Variants in ATP8B1 observed in about 807,000 individuals in gnomAD.
The protein encoded by ATP8B1 is phospholipid-transporting ATPase IC.
Under a neutral mutation model 149.9 loss-of-function variants are expected in ATP8B1, and 80 were observed. The observed-to-expected ratio is 0.53, with a 90% CI of 0.45 to 0.64. The LOEUF is 0.64. Among genes scored for constraint, ATP8B1 ranks in the 30% least tolerant of loss-of-function variants. ATP8B1 has a pLI of 0.00. For synonymous variants in ATP8B1, 536 were observed against 562.8 expected (o/e 0.95, Z 0.67); for missense variants, 1,247 against 1,552.6 (o/e 0.80, Z 3.31).
intron 1 of ATP8B1, among the ~76,000 whole-genome samples, chr18:57,793,693 C>G (rs974146826): frequency 4.6e-5 from 7 of 152,100 alleles, no homozygotes; most frequent in Non-Finnish European, 1.0e-4. Flanking sequence ...TATCTGTCCC[C>G]TCTGCCTGGG....
intron 1 of ATP8B1, among the ~76,000 whole-genome samples, chr18:57,776,949 C>CTGTT (rs1348766991): frequency 6.6e-6 from 1 of 151,270 alleles, no homozygotes; most frequent in Non-Finnish European, 1.5e-5. Flanking sequence ...GTTATGCAAT[C>CTGTT]TGTTATCTTC....
intron 1 of ATP8B1, among the ~76,000 whole-genome samples, chr18:57,743,240 C>T (rs944551025): frequency 3.3e-5 from 5 of 152,138 alleles, no homozygotes; most frequent in African/African-American, 1.2e-4. Flanking sequence ...CAGCTCTGTG[C>T]TCTCTGTGGT....
intron 16 of ATP8B1, among the ~76,000 whole-genome samples, chr18:57,672,565 A>G (rs544124888): frequency 6.6e-6 from 1 of 152,088 alleles, no homozygotes; most frequent in African/African-American, 2.4e-5. Flanking sequence ...AATGAGACAA[A>G]CCAATAATAT....
intron 1 of ATP8B1, among the ~76,000 whole-genome samples, chr18:57,747,369 C>G (rs2123243601): frequency 6.6e-6 from 1 of 151,786 alleles, no homozygotes; most frequent in Non-Finnish European, 1.5e-5. Flanking sequence ...AGGAGAATTG[C>G]TTGAACCCGG....
At chr18:57,662,641 TAAA>T (rs760399313) in intron 20 of ATP8B1, 26 bp from the exon 21 acceptor site, 4 of 1,613,778 alleles carry the variant, frequency 2.5e-6, no homozygotes, top group Non-Finnish European at 3.4e-6. Flanking sequence ...TTTCAGTGTT[TAAA>T]GTGTAAGACC....
intron 20 of ATP8B1, among the ~76,000 whole-genome samples, chr18:57,666,375 C>A (rs763040197): frequency 6.6e-6 from 1 of 152,100 alleles, no homozygotes; most frequent in Non-Finnish European, 1.5e-5. Context: ...CCCACCCACA[C>A]ATTTCCTTCC....
rs550976320 is a variant in ATP8B1, at chr18:57,717,201, C to T, written c.182-10614G>A. Among the ~76,000 whole-genome samples, 3 of 152,144 alleles carry T rather than the reference C, an allele frequency of 2.0e-5. No homozygotes were observed. The South Asian group carries it at 6.2e-4, about 32-fold the overall frequency. On this transcript the variant is annotated intron_variant, in intron 2 of 27. Coordinates refer to ENST00000648908, the MANE Select transcript of ATP8B1 (RefSeq NM_001374385.1). ...ACTAGGAGGGAAGTTTATAGCTATA[C>T]GTGCCTACATCAAAAAATAAGAAAA...
chr18:57,668,219 A>G, intron 19 of ATP8B1: 1 of 1,439,670 alleles, frequency 6.9e-7, no homozygotes, highest in Non-Finnish European at 9.2e-7. Context: ...CTAAATTATA[A>G]GGAAGAAACT....
intron 15 of ATP8B1, among the ~76,000 whole-genome samples, chr18:57,680,880 A>G (rs1243214867): frequency 6.6e-6 from 1 of 152,134 alleles, no homozygotes; most frequent in African/African-American, 2.4e-5. Flanking sequence ...CTCCAGGTGA[A>G]GTGAAGGCTT....
At position 57,688,286 on chromosome 18, in the gene ATP8B1, G is replaced by A. The variant is rs746576251; in HGVS notation, c.1429+13C>T. 1.7e-5 allele frequency: 27 copies of A among 1,612,604 alleles called. No individual in the cohort carries two copies. Among genetic ancestry groups the A allele is most frequent in the African/African-American group, 1.3e-4 (10 of 74,892 alleles). On this transcript the variant is annotated intron_variant, in intron 13 of 27. Transcript: ENST00000648908. ...CCCACTCACCCAGAAAATGAGTGAC[G>A]GCTTCCACTTACCATATATCTGCCC...
At position 57,671,531 on chromosome 18, in the gene ATP8B1, AGT is replaced by A; in HGVS notation, c.1867_1868del (p.Thr623CysfsTer4). The A allele has an allele frequency of 6.2e-7, 1 of 1,614,160 alleles. No homozygotes were observed. Among genetic ancestry groups the A allele is most frequent in the Non-Finnish European group, 8.5e-7 (1 of 1,179,990 alleles). On this transcript the variant is annotated frameshift_variant, in exon 17 of 28. Transcript: ENST00000648908. LOFTEE classifies it high-confidence loss of function. ...NIKLYCKGAD[T>X]VIYERLHRMN... Reference sequence around the variant, plus strand: ...TTCGATGTAACCGTTCATAAATAACAGTGTCAGCACCTTTACAGTAAAGCTTG... The same window carrying A: ...TTCGATGTAACCGTTCATAAATAACAGTCAGCACCTTTACAGTAAAGCTTG...
intron 1 of ATP8B1, among the ~76,000 whole-genome samples, chr18:57,798,148 A>G (rs1291251267): frequency 6.6e-6 from 1 of 152,236 alleles, no homozygotes; most frequent in East Asian, 1.9e-4. Flanking sequence ...CTCTGTCATT[A>G]GCAACGCCTA....
intron 2 of ATP8B1, among the ~76,000 whole-genome samples, chr18:57,726,138 G>A (rs2079704743): frequency 6.6e-6 from 1 of 152,140 alleles, no homozygotes; most frequent in Non-Finnish European, 1.5e-5. Flanking sequence ...TGAGGCAAGG[G>A]AATTGCTTGA....
rs1911077762 is a variant in ATP8B1 at position 57,669,186 on chromosome 18, C to T, written c.2097+132G>A. On this transcript the variant is annotated intron_variant, in intron 18 of 27. Coordinates refer to ENST00000648908, the MANE Select transcript of ATP8B1 (RefSeq NM_001374385.1). ...GGTGAATAAAAGAAATAACCTTCTTCCATTGTGCCAGTGTCAAATGCTGAA... is the reference window on the plus strand; with the variant it reads ...GGTGAATAAAAGAAATAACCTTCTTTCATTGTGCCAGTGTCAAATGCTGAA... 10 of 945,536 alleles carry T rather than the reference C, an allele frequency of 1.1e-5. No individual in the cohort carries two copies. In the East Asian group the frequency reaches 2.7e-4, roughly 25 times the overall value. The allele number at this position is 945,536 out of a possible 1,614,324, so 58.6% of individuals were successfully genotyped here. A position where few individuals can be genotyped will look rare whatever the true frequency, so the allele number is the denominator to read the frequency against.
intron 21 of ATP8B1, among the ~76,000 whole-genome samples, 173 bp from the exon 22 acceptor site, chr18:57,661,635 GTA>G (rs1910415453): frequency 4.1e-5 from 5 of 123,242 alleles, no homozygotes; most frequent in East Asian, 2.4e-4. Context: ...GCGTGTGTAT[GTA>G]TATACACACG....
chr18:57,711,047 A>AT (rs1913663502), intron 2 of ATP8B1, among the ~76,000 whole-genome samples: 2 of 152,230 alleles, frequency 1.3e-5, no homozygotes, highest in South Asian at 4.1e-4. Flanking sequence ...GCACATGGTA[A>AT]TGCTTGGGAT....
At position 57,655,210 on chromosome 18, in the gene ATP8B1, T is replaced by C. The variant is rs769177228; in HGVS notation, c.2915A>G (p.Asn972Ser). 1.3e-5 allele frequency: 21 copies of C among 1,610,932 alleles called. No individual in the cohort carries two copies. In the East Asian group the frequency reaches 4.0e-4, roughly 31 times the overall value. ...TTACATTACCTGCGCAGAGTAGCCA[T>C]TGAAGAAGGAGTACCAGAAATGAAC... ...TLVHFWYSFF[N>S]GYSAQTAYED... The change falls in exon 23 of 28, where the codon AAT becomes AGT. Residue 972 changes from asparagine to serine, a missense_variant. By Grantham distance (46) the Asn-to-Ser change is conservative. Coordinates refer to ENST00000648908, the MANE Select transcript of ATP8B1 (RefSeq NM_001374385.1).
At chr18:57,653,922 C>T (rs1909810583) in intron 24 of ATP8B1, 70 bp downstream of exon 24, 6 of 1,382,924 alleles carry the variant, frequency 4.3e-6, no homozygotes, top group South Asian at 1.2e-5. Flanking sequence ...TGCATTGAAA[C>T]GTTTGCTTGG....
At chr18:57,758,347 G>A (rs2080105616) in intron 1 of ATP8B1, among the ~76,000 whole-genome samples, 2 of 151,978 alleles carry the variant, frequency 1.3e-5, no homozygotes, top group South Asian at 4.1e-4. Context: ...GTTTTACAAA[G>A]ATAAGAAGAT....
Sources: allele counts gnomAD v4.1 joint callset (sites outside exome capture counted in the v4.1 genomes callset), GRCh38; gene constraint gnomAD v4.1.1; transcripts MANE v1.5; gene names NCBI Gene and HGNC (gene_info 2026-07-23, HGNC 2026-07-21).